FBN1: variants seen among roughly 807,000 people sequenced by gnomAD.
FBN1 encodes fibrillin-1.
In FBN1, 29 loss-of-function variants were observed where a neutral mutation model predicts 365.1. That is an observed-to-expected ratio of 0.08 (90% CI 0.06 to 0.11). The LOEUF (loss-of-function observed/expected upper bound fraction) is 0.11. FBN1 is among the 10% of genes least tolerant of loss of function. The probability of loss-of-function intolerance (pLI) is 1.00; values close to 1 mark genes in which losing one functional copy is unlikely to be tolerated. For synonymous variants in FBN1, 1,210 were observed against 1,270.5 expected (o/e 0.95, Z 1.01); for missense variants, 2,476 against 3,703.2 (o/e 0.67, Z 8.60).
At chr15:48,441,184 TC>T (rs2043111912) in intron 50 of FBN1, among the ~76,000 whole-genome samples, 2 of 152,230 alleles carry the variant, frequency 1.3e-5, no homozygotes, top group Non-Finnish European at 2.9e-5. Flanking sequence ...AAATCTTTAC[TC>T]AAATAGTTGA....
At chr15:48,523,997 G>A (rs987493317) in intron 9 of FBN1, among the ~76,000 whole-genome samples, 1 of 152,178 alleles carries the variant, frequency 6.6e-6, no homozygotes, top group Non-Finnish European at 1.5e-5. Flanking sequence ...ATAGGCGTTT[G>A]CAGGTCGTCT....
intron 6 of FBN1, among the ~76,000 whole-genome samples, chr15:48,552,186 T>G (rs757458165): frequency 6.6e-6 from 1 of 152,188 alleles, no homozygotes; most frequent in African/African-American, 2.4e-5. Flanking sequence ...GACTTTTTAA[T>G]AGCAGCTTTA....
At chr15:48,599,252 G>A (rs914637865) in intron 5 of FBN1, among the ~76,000 whole-genome samples, 13 of 151,826 alleles carry the variant, frequency 8.6e-5, no homozygotes, top group South Asian at 4.1e-4. Flanking sequence ...CCTGAATAAC[G>A]CCCACCATTG....
chr15:48,550,380 G>A (rs2044132216), intron 6 of FBN1, among the ~76,000 whole-genome samples: 1 of 152,098 alleles, frequency 6.6e-6, no homozygotes, highest in Non-Finnish European at 1.5e-5. Context: ...CCACATCACA[G>A]GGCCACAGAC....
chr15:48,488,529 T>C, intron 25 of FBN1, 36 bp from the exon 26 acceptor site: 1 of 1,607,554 alleles, frequency 6.2e-7, no homozygotes, highest in Non-Finnish European at 8.5e-7. Flanking sequence ...AAAATAAGTT[T>C]ATGAGCAAGC....
chr15:48,560,052 G>C (rs1211561629), intron 6 of FBN1, among the ~76,000 whole-genome samples: 4 of 152,088 alleles, frequency 2.6e-5, no homozygotes, highest in African/African-American at 7.2e-5. Flanking sequence ...TTACTCATGG[G>C]CCCACTAAAG....
intron 6 of FBN1, among the ~76,000 whole-genome samples, chr15:48,582,164 T>G (rs1485637008): frequency 1.3e-5 from 2 of 152,236 alleles, no homozygotes; most frequent in Non-Finnish European, 2.9e-5. Context: ...ATTTCTTTTT[T>G]GAATTACAGG....
intron 32 of FBN1, among the ~76,000 whole-genome samples, chr15:48,477,265 A>C (rs1366909385): frequency 1.3e-5 from 2 of 152,222 alleles, no homozygotes; most frequent in African/African-American, 4.8e-5. Context: ...AGAAATTTAC[A>C]ACTTTAGAAA....
At chr15:48,521,050 A>G (rs2043850774) in intron 9 of FBN1, among the ~76,000 whole-genome samples, 1 of 152,190 alleles carries the variant, frequency 6.6e-6, no homozygotes, top group South Asian at 2.1e-4. Flanking sequence ...GAAGTCCCAC[A>G]TTCCATACCC....
At chr15:48,642,390 A>C (rs1287465449) in intron 2 of FBN1, 1 of 152,200 alleles carries the variant, frequency 6.6e-6, no homozygotes, top group Non-Finnish European at 1.5e-5. Flanking sequence ...AAAAAGAAAG[A>C]AAATGAATGA....
intron 18 of FBN1, among the ~76,000 whole-genome samples, chr15:48,498,381 A>C (rs1258086671): frequency 6.6e-6 from 1 of 152,152 alleles, no homozygotes; most frequent in Non-Finnish European, 1.5e-5. Context: ...CCCTGAATCA[A>C]ACTATGTAGC....
rs566030960 is a variant in FBN1 at position 48,460,234 on chromosome 15, G to C, written c.5296+12C>G. ...AAAACCAGAAAGTTCTGACAATGCC[G>C]TCATGACTCACCAACGGGTAAACCG... On this transcript the variant is annotated intron_variant, in intron 43 of 65. Transcript: ENST00000316623. The C allele has an allele frequency of 6.2e-7, 1 of 1,608,318 alleles. No homozygotes were observed. The highest frequency in any genetic ancestry group is 8.5e-7 in the Non-Finnish European group (1 of 1,174,908).
intron 23 of FBN1, among the ~76,000 whole-genome samples, chr15:48,493,472 G>T (rs1597567832): frequency 3.9e-5 from 6 of 152,132 alleles, no homozygotes; most frequent in Admixed American, 3.9e-4. Context: ...TACCTTTTTG[G>T]GTTTTTTGTT....
At chr15:48,607,498 G>A (rs572583586) in intron 4 of FBN1, among the ~76,000 whole-genome samples, 207 of 148,408 alleles carry the variant, frequency 1.4e-3, no homozygotes, top group African/African-American at 5.1e-3. Context: ...TATGCAGGCA[G>A]AGCCCTCATG....
chr15:48,598,907 C>G (rs1283074180), intron 5 of FBN1, among the ~76,000 whole-genome samples: 1 of 152,182 alleles, frequency 6.6e-6, no homozygotes, highest in Non-Finnish European at 1.5e-5. Flanking sequence ...CTTTCCCATG[C>G]TGTTCCCATA....
chr15:48,579,105 T>C (rs955898339), intron 6 of FBN1, among the ~76,000 whole-genome samples: 8 of 150,334 alleles, frequency 5.3e-5, no homozygotes, highest in African/African-American at 2.0e-4. Flanking sequence ...TATACCAAAG[T>C]GGTAAGCACA....
At chr15:48,494,493 G>A (rs554354444) in intron 22 of FBN1, among the ~76,000 whole-genome samples, 3 of 152,262 alleles carry the variant, frequency 2.0e-5, no homozygotes, top group South Asian at 4.2e-4. Context: ...AGACACAGAC[G>A]TGCCCTATAG....
intron 6 of FBN1, among the ~76,000 whole-genome samples, chr15:48,593,769 T>A (rs2044497264): frequency 6.6e-6 from 1 of 152,154 alleles, no homozygotes; most frequent in Non-Finnish European, 1.5e-5. Context: ...TGAGGGAGAT[T>A]GGAAACTTGC....
intron 50 of FBN1, among the ~76,000 whole-genome samples, chr15:48,440,832 T>C (rs2043106679): frequency 6.6e-6 from 1 of 151,758 alleles, no homozygotes; most frequent in African/African-American, 2.4e-5. Context: ...ACTCAATTTT[T>C]TGAACCTTAA....
Sources: allele counts gnomAD v4.1 joint callset (sites outside exome capture counted in the v4.1 genomes callset), GRCh38; gene constraint gnomAD v4.1.1; transcripts MANE v1.5; gene names NCBI Gene and HGNC (gene_info 2026-07-23, HGNC 2026-07-21).